The following TEX9 variants were observed in gnomAD, a reference collection of about 807,000 sequenced individuals.
TEX9 encodes testis expressed 9.
In TEX9, 74 loss-of-function variants were observed where a neutral mutation model predicts 59.6. That is an observed-to-expected ratio of 1.24 (90% CI 1.03 to 1.51). The LOEUF is 1.51. Among genes scored for constraint, TEX9 ranks in the 40% most tolerant of loss-of-function variants. The probability of loss-of-function intolerance (pLI) is 0.00; values close to 1 mark genes in which losing one functional copy is unlikely to be tolerated. For synonymous variants in TEX9, 186 were observed against 152.2 expected, an observed-to-expected ratio of 1.22 and a Z score of -1.64; for missense variants, 522 against 447.8, an observed-to-expected ratio of 1.17 and a Z score of -1.49.
At chr15:56,387,248 T>C (rs1445836207) in intron 4 of TEX9, among the ~76,000 whole-genome samples, 1 of 151,924 alleles carries the variant, frequency 6.6e-6, no homozygotes, top group East Asian at 1.9e-4. Flanking sequence ...CCCTTAAATG[T>C]CTTTTGGCTG....
chr15:56,310,257 C>T (rs1399692858), intron 1 of TEX9, among the ~76,000 whole-genome samples: 1 of 152,098 alleles, frequency 6.6e-6, no homozygotes, highest in Non-Finnish European at 1.5e-5. Flanking sequence ...CATGGTGAAA[C>T]CCCGTCTCTA....
intron 9 of TEX9, chr15:56,396,612 GT>G (rs2048484817): frequency 7.1e-6 from 1 of 140,006 alleles, no homozygotes; most frequent in East Asian, 2.0e-4. Flanking sequence ...ATTTGATATG[GT>G]TTGGCTGTGT....
chr15:56,428,330 A>C, intron 11 of TEX9, 37 bp from the exon 12 acceptor site: 1 of 1,515,410 alleles, frequency 6.6e-7, no homozygotes, highest in Non-Finnish European at 9.1e-7. Flanking sequence ...CCTACTCTTA[A>C]TACTAAATCA....
At chr15:56,371,102 C>A (rs920792941) in intron 2 of TEX9, among the ~76,000 whole-genome samples, 2 of 152,150 alleles carry the variant, frequency 1.3e-5, no homozygotes, top group Non-Finnish European at 2.9e-5. Context: ...CCTCCCTCCA[C>A]CTCCCACTGT....
rs149317086 is a variant in TEX9 at position 56,427,411 on chromosome 15, A to C, written c.964-194A>C. ...AGTTATTTTAAAAACATTTTTTAAA[A>C]ATGGGAAATACCTGAGCATGACTAA... On this transcript the variant is annotated intron_variant, in intron 10 of 12. Transcript: ENST00000352903. Among the ~76,000 whole-genome samples the C allele has an allele frequency of 2.6e-3, 402 of 152,120 alleles. 3 individuals carry two copies. Among genetic ancestry groups the C allele is most frequent in the African/African-American group, 9.2e-3 (383 of 41,566 alleles).
chr15:56,293,896 C>T (rs533067978), intron 1 of TEX9, among the ~76,000 whole-genome samples: 1 of 152,310 alleles, frequency 6.6e-6, no homozygotes, highest in African/African-American at 2.4e-5. Context: ...TTTATTAATC[C>T]CTGTATTAAA....
At chr15:56,259,354 AATTTATTG>A (rs1229961650) in intron 1 of TEX9, among the ~76,000 whole-genome samples, 2 of 152,042 alleles carry the variant, frequency 1.3e-5, no homozygotes, top group Non-Finnish European at 2.9e-5. Flanking sequence ...TTACAGAAAA[AATTTATTG>A]ATTTCTCTTC....
chr15:56,247,833 A>G (rs539525101), intron 1 of TEX9, among the ~76,000 whole-genome samples: 40 of 152,336 alleles, frequency 2.6e-4, no homozygotes, highest in Non-Finnish European at 3.7e-4. Context: ...CCCAACTTGA[A>G]TATAAAAATA....
the TEX9 span, among the ~76,000 whole-genome samples, chr15:56,457,729 C>G: frequency 3.1e-3 from 474 of 151,654 alleles, no homozygotes; most frequent in Middle Eastern, 0.01. Flanking sequence ...GTAGGAGGAC[C>G]GCCGGAGACC....
intron 12 of TEX9, chr15:56,431,549 G>C: frequency 6.3e-7 from 1 of 1,594,144 alleles, no homozygotes; most frequent in Non-Finnish European, 8.6e-7. Flanking sequence ...AATCTTATAC[G>C]AAGTTTTCAA....
chr15:56,372,297 G>C (rs1207958942), intron 2 of TEX9, among the ~76,000 whole-genome samples: 1 of 152,134 alleles, frequency 6.6e-6, no homozygotes, highest in East Asian at 1.9e-4. Context: ...GACTGTTAAA[G>C]GATATGGTAC....
intron 1 of TEX9, among the ~76,000 whole-genome samples, chr15:56,303,749 A>G (rs1020216808): frequency 3.9e-5 from 6 of 152,168 alleles, no homozygotes; most frequent in African/African-American, 1.4e-4. Flanking sequence ...AAGAAAATTT[A>G]CAAACCTTTA....
chr15:56,433,257 G>C (rs1407736416), intron 12 of TEX9, among the ~76,000 whole-genome samples: 1 of 150,876 alleles, frequency 6.6e-6, no homozygotes, highest in African/African-American at 2.5e-5. Context: ...GGGCCTGTCG[G>C]GGGGTGGGGG....
At chr15:56,424,908 A>G (rs1169199816) in intron 10 of TEX9, among the ~76,000 whole-genome samples, 10 of 151,796 alleles carry the variant, frequency 6.6e-5, no homozygotes, top group African/African-American at 2.4e-4. Context: ...AACTTGAAGG[A>G]TTTTCTTTAG....
At chr15:56,426,589 GTATATATA>G (rs71110391) in intron 10 of TEX9, among the ~76,000 whole-genome samples, 705 of 24,320 alleles carry the variant, frequency 0.029, 46 homozygotes, top group Non-Finnish European at 0.098. Context: ...TTGAAAAGGT[GTATATATA>G]TATATATATA....
intron 1 of TEX9, among the ~76,000 whole-genome samples, chr15:56,360,162 A>G (rs1193101591): frequency 2.0e-5 from 3 of 152,152 alleles, no homozygotes; most frequent in African/African-American, 7.2e-5. Context: ...TTAAAAATCT[A>G]TATTCATGAG....
chr15:56,435,208 A>C (rs188841460), intron 12 of TEX9, among the ~76,000 whole-genome samples: 1 of 152,142 alleles, frequency 6.6e-6, no homozygotes, highest in Admixed American at 6.6e-5. Context: ...TATAGCACTA[A>C]ATGCATGTAT....
chr15:56,458,257 T>C, the TEX9 span, among the ~76,000 whole-genome samples: 4 of 152,210 alleles, frequency 2.6e-5, no homozygotes, highest in Admixed American at 2.0e-4. Flanking sequence ...ATGTTGTGTA[T>C]CTATCACCAC....
At chr15:56,427,875 A>G (rs189718633) in intron 11 of TEX9, 136 bp downstream of exon 11, 1 of 616,648 alleles carries the variant, frequency 1.6e-6, no homozygotes, top group East Asian at 3.3e-5. Flanking sequence ...TACATATGAA[A>G]TCATATGAAA....
Sources: gnomAD v4.1 joint callset for allele counts (sites outside exome capture counted in the v4.1 genomes callset) on GRCh38, gnomAD v4.1.1 for gene constraint, MANE v1.5 for transcripts, NCBI Gene and HGNC (gene_info 2026-07-23, HGNC 2026-07-21) for gene names.